Variants in BCKDHA observed in about 807,000 individuals in gnomAD.
BCKDHA encodes the protein branched chain keto acid dehydrogenase E1 subunit alpha, also known as 2-oxoisovalerate dehydrogenase subunit alpha, mitochondrial.
In BCKDHA, 43 loss-of-function variants were observed where a neutral mutation model predicts 52.2. The ratio of observed to expected loss-of-function variants is 0.82; its 90% CI spans 0.64 to 1.06. The LOEUF (loss-of-function observed/expected upper bound fraction) is 1.06, where lower values mean the gene tolerates loss of function less well. BCKDHA is among the 50% of genes least tolerant of loss of function. The pLI is 0.00. For synonymous variants in BCKDHA, 234 were observed against 247.9 expected, an observed-to-expected ratio of 0.94 and a Z score of 0.53; for missense variants, 527 against 621.3, an observed-to-expected ratio of 0.85 and a Z score of 1.61.
chr19:41,419,746 CTTT>C (rs201343587), intron 5 of BCKDHA, among the ~76,000 whole-genome samples: 360 of 127,096 alleles, frequency 2.8e-3, no homozygotes, highest in Non-Finnish European at 4.8e-3. Context: ...GCCCAGCCCA[CTTT>C]TTTTTTTTTT....
rs766928512 is a variant in BCKDHA at position 41,410,779 on chromosome 19, G to A, written c.251G>A (p.Arg84Gln). Residue 84 changes from arginine to glutamine, a missense_variant, in exon 2 of 9, where the codon CGG becomes CAG. Physicochemically the swap from Arg to Gln is conservative, Grantham distance 43. Coordinates refer to ENST00000269980, the MANE Select transcript of BCKDHA (RefSeq NM_000709.4). Reference sequence around the variant, plus strand: ...ATCCCCATCTACCGCGTCATGGACCGGCAAGGCCAGATCATCAACCCCAGC... The same window carrying A: ...ATCCCCATCTACCGCGTCATGGACCAGCAAGGCCAGATCATCAACCCCAGC... ...SGIPIYRVMD[R>Q]QGQIINPSED... The A allele has an allele frequency of 1.6e-5, 26 of 1,614,000 alleles. No homozygotes were observed. The highest frequency in any genetic ancestry group is 8.3e-5 in the Admixed American group (5 of 59,974).
intron 1 of BCKDHA, among the ~76,000 whole-genome samples, chr19:41,402,547 C>T (rs1232963340): frequency 6.6e-6 from 1 of 152,152 alleles, no homozygotes; most frequent in Non-Finnish European, 1.5e-5. Context: ...CTCCAAAACC[C>T]AGTTTCTTTT....
chr19:41,408,572 G>T (rs913067134), intron 1 of BCKDHA, among the ~76,000 whole-genome samples: 1 of 151,690 alleles, frequency 6.6e-6, no homozygotes. Flanking sequence ...TTCCTCATCT[G>T]ACCTGAGGAG....
chr19:41,404,300 AT>A (rs1407832838), intron 1 of BCKDHA, among the ~76,000 whole-genome samples: 1 of 148,782 alleles, frequency 6.7e-6, no homozygotes, highest in South Asian at 2.1e-4. Flanking sequence ...TTATTTATTT[AT>A]TTTTTTGAGA....
intron 1 of BCKDHA, among the ~76,000 whole-genome samples, chr19:41,401,773 C>A (rs964627991): frequency 1.3e-5 from 2 of 152,164 alleles, no homozygotes; most frequent in Non-Finnish European, 2.9e-5. Flanking sequence ...AGAGTCCCTA[C>A]CCTGTTGGAA....
chr19:41,406,663 A>T (rs2039196592), intron 1 of BCKDHA, among the ~76,000 whole-genome samples: 1 of 151,388 alleles, frequency 6.6e-6, no homozygotes, highest in Admixed American at 6.6e-5. Context: ...TCCGCCTCCC[A>T]GGTTCAAGCC....
chr19:41,422,833 A>G, intron 7 of BCKDHA, 63 bp downstream of exon 7: 1 of 1,608,388 alleles, frequency 6.2e-7, no homozygotes, highest in Non-Finnish European at 8.5e-7. Context: ...CATCTTCCTC[A>G]TATCGATCAC....
At position 41,424,707 on chromosome 19, in the gene BCKDHA, C is replaced by A. The variant is rs540137400; in HGVS notation, c.*99C>A. On this transcript the variant is annotated 3_prime_UTR_variant, in exon 9 of 9. Coordinates refer to ENST00000269980, the MANE Select transcript of BCKDHA (RefSeq NM_000709.4). ...CCTGACAGCACACCACTGTCTTCCC[C>A]AGTCAGCTCCCTCTAAAATACTCAG... The A allele has an allele frequency of 2.2e-6, 3 of 1,346,900 alleles. No individual in the cohort carries two copies. The highest frequency in any genetic ancestry group is 2.9e-5 in the African/African-American group (2 of 68,008). The allele number at this position is 1,346,900 out of a possible 1,614,324, so 83.4% of individuals were successfully genotyped here. A position where few individuals can be genotyped will look rare whatever the true frequency, so the allele number is the denominator to read the frequency against.
At chr19:41,405,842 G>C (rs939446934) in intron 1 of BCKDHA, among the ~76,000 whole-genome samples, 1 of 152,228 alleles carries the variant, frequency 6.6e-6, no homozygotes, top group African/African-American at 2.4e-5. Context: ...GGGCAGACCA[G>C]ACCATCCAGA....
intron 1 of BCKDHA, chr19:41,399,651 C>CT (rs1420327128): frequency 6.6e-6 from 1 of 151,382 alleles, no homozygotes; most frequent in Non-Finnish European, 1.5e-5. Flanking sequence ...TTTCTCTCTT[C>CT]TTCTTTCTTT....
At chr19:41,422,975 TG>T (rs745373220) in intron 7 of BCKDHA, 22 bp from the exon 8 acceptor site, 1 of 1,604,480 alleles carries the variant, frequency 6.2e-7, no homozygotes. Context: ...CACACTGACC[TG>T]GGGCCCCTTG....
chr19:41,422,411 TCTC>T (rs2039377705), intron 6 of BCKDHA, 41 bp downstream of exon 6: 19 of 1,610,084 alleles, frequency 1.2e-5, no homozygotes, highest in African/African-American at 2.7e-5. Context: ...GCTGGGATCA[TCTC>T]CTTCCCTCCC....
At chr19:41,416,036 C>T (rs921340954) in intron 4 of BCKDHA, among the ~76,000 whole-genome samples, 6 of 150,798 alleles carry the variant, frequency 4.0e-5, no homozygotes, top group African/African-American at 1.2e-4. Flanking sequence ...TTCTGCCTTC[C>T]AGGTTCAGGT....
chr19:41,420,820 A>T (rs1196550678), intron 5 of BCKDHA, among the ~76,000 whole-genome samples: 1 of 152,160 alleles, frequency 6.6e-6, no homozygotes, highest in Non-Finnish European at 1.5e-5. Flanking sequence ...TTGGGAAGCA[A>T]ACCCACTGGG....
intron 3 of BCKDHA, among the ~76,000 whole-genome samples, chr19:41,411,705 C>T (rs1036112470): frequency 6.6e-6 from 1 of 152,136 alleles, no homozygotes; most frequent in African/African-American, 2.4e-5. Flanking sequence ...GCAGTTGCTG[C>T]CTGCGGGAGA....
At chr19:41,410,895 C>G in intron 2 of BCKDHA, 28 bp from the exon 3 acceptor site, 1 of 1,613,948 alleles carries the variant, frequency 6.2e-7, no homozygotes, top group South Asian at 1.1e-5. Flanking sequence ...CCCAACTGCC[C>G]CACGTCTATC....
In BCKDHA at chr19:41,421,556, A is replaced by C. The variant is rs1599960019; in HGVS notation, c.647-608A>C. Among the ~76,000 whole-genome samples the C allele has an allele frequency of 2.8e-5, 4 of 144,906 alleles. 1 individual carries two copies. The South Asian group carries it at 9.0e-4, about 33-fold the overall frequency. ...GCAGGTGTGGAGTGAGCAGGTGTGG[A>C]GTGAGCGGGTGTAGGGTGAGCAGGT... On this transcript the variant is annotated intron_variant, in intron 5 of 8. Transcript: ENST00000269980.
intron 5 of BCKDHA, among the ~76,000 whole-genome samples, chr19:41,421,860 G>A (rs2039369407): frequency 6.6e-6 from 1 of 152,158 alleles, no homozygotes; most frequent in African/African-American, 2.4e-5. Flanking sequence ...TGCAGAGGAG[G>A]AGGTAAGAGG....
chr19:41,421,645 T>C (rs948743873), intron 5 of BCKDHA, among the ~76,000 whole-genome samples: 1 of 146,416 alleles, frequency 6.8e-6, no homozygotes, highest in African/African-American at 2.6e-5. Flanking sequence ...GCAGGTTGGG[T>C]GGGGCCTCAA....
Sources: allele counts gnomAD v4.1 joint callset (sites outside exome capture counted in the v4.1 genomes callset), GRCh38; gene constraint gnomAD v4.1.1; transcripts MANE v1.5; gene names NCBI Gene and HGNC (gene_info 2026-07-23, HGNC 2026-07-21).